The following CCDC50 variants were observed in gnomAD, a reference collection of about 807,000 sequenced individuals.
CCDC50 encodes the protein coiled-coil domain-containing protein 50.
A neutral mutation model predicts 70.2 loss-of-function variants in CCDC50; 54 were observed. That is an observed-to-expected ratio of 0.77 (90% confidence interval 0.62 to 0.96). The LOEUF (loss-of-function observed/expected upper bound fraction) is 0.96. Ranked by LOEUF, CCDC50 falls within the 50% of genes least tolerant of loss-of-function variation. The probability of loss-of-function intolerance (pLI) is 0.00; values close to 1 mark genes in which losing one functional copy is unlikely to be tolerated. For missense variants in CCDC50, 558 were observed against 578.7 expected, an observed-to-expected ratio of 0.96 and a Z score of 0.37; for synonymous variants, 216 against 198.8, an observed-to-expected ratio of 1.09 and a Z score of -0.73.
At position 191,395,841 on chromosome 3, in the gene CCDC50, T is replaced by C. The variant is rs1424432391; in HGVS notation, c.*4081T>C. The C allele has an allele frequency of 6.6e-6, 1 of 152,198 alleles. No individual in the cohort carries two copies. The highest frequency in any genetic ancestry group is 3.2e-3 in the Middle Eastern group (1 of 316). The allele number at this position is 152,198 out of a possible 1,614,324, so 9.4% of individuals were successfully genotyped here. On this transcript the variant is annotated 3_prime_UTR_variant, in exon 12 of 12. Coordinates refer to ENST00000392455, the MANE Select transcript of CCDC50 (RefSeq NM_178335.3). ...ATATAAAATGGTCCAATTTTCTCATTTCTGGTGGTGCCTGTGAGTCTTAAA... is the reference window on the plus strand; with the variant it reads ...ATATAAAATGGTCCAATTTTCTCATCTCTGGTGGTGCCTGTGAGTCTTAAA...
intron 9 of CCDC50, among the ~76,000 whole-genome samples, chr3:191,381,930 C>G (rs1163581230): frequency 6.6e-6 from 1 of 152,104 alleles, no homozygotes; most frequent in Non-Finnish European, 1.5e-5. Context: ...TTTCCTGTTG[C>G]TCAGTTACCC....
intron 1 of CCDC50, among the ~76,000 whole-genome samples, chr3:191,344,864 C>A (rs1290104905): frequency 6.6e-6 from 1 of 152,360 alleles, no homozygotes; most frequent in African/African-American, 2.4e-5. Flanking sequence ...CAGGCGTGAG[C>A]CACCATGCCC....
At chr3:191,352,137 G>T (rs913027057) in intron 1 of CCDC50, among the ~76,000 whole-genome samples, 1 of 141,682 alleles carries the variant, frequency 7.1e-6, no homozygotes, top group Non-Finnish European at 1.6e-5. Context: ...ACAACTAATT[G>T]TCTTTAGTAC....
chr3:191,341,326 A>G (rs914551227), intron 1 of CCDC50, among the ~76,000 whole-genome samples: 4 of 152,176 alleles, frequency 2.6e-5, no homozygotes, highest in African/African-American at 9.6e-5. Flanking sequence ...CGCCCTTCAC[A>G]TACCTTATCT....
At chr3:191,388,169 G>A (rs1713561590) in intron 10 of CCDC50, among the ~76,000 whole-genome samples, 1 of 151,756 alleles carries the variant, frequency 6.6e-6, no homozygotes, top group East Asian at 1.9e-4. Flanking sequence ...ACAGATGCAT[G>A]AAATGATATT....
chr3:191,369,729 C>A (rs1408980213), intron 4 of CCDC50, among the ~76,000 whole-genome samples, 190 bp from the exon 5 acceptor site: 1 of 152,178 alleles, frequency 6.6e-6, no homozygotes, highest in Admixed American at 6.6e-5. Flanking sequence ...GCCTGTCTCA[C>A]TTATCTAGAT....
Position 191,394,686 on chromosome 3 carries a change from G to A in CCDC50, c.*2926G>A, listed in dbSNP as rs917074281. ...TATGACGGAGCCTTATCATAAGGCTGCTTGACATAGACACCCACTCTCCTC... is the reference window on the plus strand; with the variant it reads ...TATGACGGAGCCTTATCATAAGGCTACTTGACATAGACACCCACTCTCCTC... On this transcript the variant is annotated 3_prime_UTR_variant, in exon 12 of 12. Coordinates refer to ENST00000392455, the MANE Select transcript of CCDC50 (RefSeq NM_178335.3). 6.6e-6 allele frequency: 1 copy of A among 152,126 alleles called. No individual in the cohort carries two copies. The highest frequency in any genetic ancestry group is 2.4e-5 in the African/African-American group (1 of 41,424). The allele number at this position is 152,126 out of a possible 1,614,324, so 9.4% of individuals were successfully genotyped here.
In CCDC50 at chr3:191,369,997, A is replaced by G. The variant is rs773259133; in HGVS notation, c.409A>G (p.Thr137Ala). Residue 137 changes from threonine (T) to alanine (A), a missense_variant, in exon 5 of 12, where the codon ACC becomes GCC. By Grantham distance (58) the Thr-to-Ala change is moderately conservative (BLOSUM62 0). Transcript: ENST00000392455. ...GAAACACTTTCCAGAGTTCCCTGCAACCCGTGCTTATGCAGATAGTTACTA... is the reference window on the plus strand; with the variant it reads ...GAAACACTTTCCAGAGTTCCCTGCAGCCCGTGCTTATGCAGATAGTTACTA... Reference protein sequence around the residue: ...RKKHFPEFPATRAYADSYYYE... With the variant: ...RKKHFPEFPAARAYADSYYYE... 1.9e-6 allele frequency: 3 copies of G among 1,612,964 alleles called. No individual in the cohort carries two copies. In the African/African-American group the frequency reaches 4.0e-5, roughly 22 times the overall value.
intron 4 of CCDC50, among the ~76,000 whole-genome samples, chr3:191,364,146 G>T (rs188450): frequency 0.062 from 9,425 of 151,212 alleles, 392 homozygotes; most frequent in East Asian, 0.18. Flanking sequence ...TTCGCTCACT[G>T]CAACCACTGC....
In CCDC50 at chr3:191,329,946, G is replaced by A. The variant is rs796791217; in HGVS notation, c.49+223G>A. Among the ~76,000 whole-genome samples the A allele has an allele frequency of 3.1e-3, 314 of 100,122 alleles. 3 individuals carry two copies. The highest frequency in any genetic ancestry group is 0.017 in the African/African-American group (276 of 16,660). The allele number at this position is 100,122 out of a possible 152,430, so 65.7% of individuals were successfully genotyped here. A position where few individuals can be genotyped will look rare whatever the true frequency, so the allele number is the denominator to read the frequency against. On this transcript the variant is annotated intron_variant, in intron 1 of 11. Transcript: ENST00000392455. ...GTTTTTTCTCAAGGGGGTGGTTGGG[G>A]GGGGGGGGGGCTAGCAGCAGCCCCA...
At chr3:191,367,066 A>T (rs562362949) in intron 4 of CCDC50, among the ~76,000 whole-genome samples, 1 of 152,182 alleles carries the variant, frequency 6.6e-6, no homozygotes, top group East Asian at 1.9e-4. Flanking sequence ...TTTCCATTGA[A>T]TTTTTGTCCT....
intron 1 of CCDC50, among the ~76,000 whole-genome samples, chr3:191,346,867 T>G (rs1711945177): frequency 6.6e-6 from 1 of 152,216 alleles, no homozygotes; most frequent in African/African-American, 2.4e-5. Flanking sequence ...TTTGATAGTG[T>G]ATCTATAATT....
chr3:191,386,938 T>C (rs1713516592), intron 10 of CCDC50, among the ~76,000 whole-genome samples: 1 of 152,248 alleles, frequency 6.6e-6, no homozygotes, highest in Non-Finnish European at 1.5e-5. Flanking sequence ...TTTTATACTT[T>C]TAATATTATT....
At chr3:191,380,081 C>T (rs1260451403) in intron 6 of CCDC50, 78 bp from the exon 7 acceptor site, 5 of 887,384 alleles carry the variant, frequency 5.6e-6, no homozygotes, top group Non-Finnish European at 9.0e-6. Context: ...GAAAAATCTC[C>T]TTTATCTTAA....
chr3:191,386,125 A>C (rs938024097), intron 10 of CCDC50, among the ~76,000 whole-genome samples: 1 of 151,918 alleles, frequency 6.6e-6, no homozygotes, highest in Non-Finnish European at 1.5e-5. Context: ...TTCCATGTGA[A>C]TTAAATAGTT....
chr3:191,361,278 C>T, intron 4 of CCDC50, 119 bp downstream of exon 4: 1 of 727,086 alleles, frequency 1.4e-6, no homozygotes, highest in Non-Finnish European at 2.5e-6. Flanking sequence ...CAGAATGCCT[C>T]TTATTTGGGC....
chr3:191,357,647 C>G (rs1330180266), intron 2 of CCDC50, among the ~76,000 whole-genome samples: 1 of 152,088 alleles, frequency 6.6e-6, no homozygotes, highest in Non-Finnish European at 1.5e-5. Context: ...ATTCACATAT[C>G]AATATAAAAT....
intron 4 of CCDC50, among the ~76,000 whole-genome samples, chr3:191,367,118 G>T (rs748101890): frequency 6.6e-5 from 10 of 152,084 alleles, no homozygotes; most frequent in Middle Eastern, 6.3e-3. Context: ...TCAAAAAAGA[G>T]CTGAGAGCTT....
At position 191,394,877 on chromosome 3, in the gene CCDC50, T is replaced by TA. The variant is rs1387303306; in HGVS notation, c.*3119dup. On this transcript the variant is annotated 3_prime_UTR_variant, in exon 12 of 12. Transcript: ENST00000392455. ...ACTAGACAGTTGCTTTACATGTATT[T>TA]AAGGGAACATTGTGATTTTCAGAAA... The TA allele has an allele frequency of 6.6e-6, 1 of 152,180 alleles. No individual in the cohort carries two copies. The highest frequency in any genetic ancestry group is 2.4e-5 in the African/African-American group (1 of 41,466). The allele number at this position is 152,180 out of a possible 1,614,324, so 9.4% of individuals were successfully genotyped here.
Sources: allele counts gnomAD v4.1 joint callset (sites outside exome capture counted in the v4.1 genomes callset), GRCh38; gene constraint gnomAD v4.1.1; transcripts MANE v1.5; gene names NCBI Gene and HGNC (gene_info 2026-07-23, HGNC 2026-07-21).